Variants in HDAC4 observed in about 807,000 individuals in gnomAD.
HDAC4 encodes histone deacetylase 4, also known as histone deacetylase A.
A neutral mutation model predicts 135.1 loss-of-function variants in HDAC4; 16 were observed. That is an observed-to-expected ratio of 0.12 (90% CI 0.08 to 0.18). The LOEUF is 0.18. HDAC4 is among the 10% of genes least tolerant of loss of function. The pLI, the probability that HDAC4 is intolerant of heterozygous loss-of-function variation, is 1.00. For missense variants in HDAC4, 1,143 were observed against 1,511.8 expected, an observed-to-expected ratio of 0.76 and a Z score of 4.05; for synonymous variants, 685 against 653.4, an observed-to-expected ratio of 1.05 and a Z score of -0.74.
Position 239,307,991 on chromosome 2 carries a change from C to T in HDAC4, c.22+44687G>A, listed in dbSNP as rs996199959. ...GTGTCCCCATCCCCCCCAAAGTGAG[C>T]GGCCACACAGCAATGAGTGGCCACA... is the stretch of plus-strand genomic sequence containing the variant. On this transcript the variant is annotated intron_variant, in intron 2 of 26. Transcript: ENST00000543185. This position sits in a 1 kb window ranked among gnomAD's most constrained non-coding sequence, Gnocchi z 4.8. Among the ~76,000 whole-genome samples the T allele has an allele frequency of 2.6e-5, 4 of 152,162 alleles. 1 individual carries two copies. The highest frequency in any genetic ancestry group is 1.3e-4 in the Admixed American group (2 of 15,282).
chr2:239,249,715 C>T (rs1316762131), intron 2 of HDAC4, among the ~76,000 whole-genome samples: 3 of 151,960 alleles, frequency 2.0e-5, no homozygotes, highest in African/African-American at 7.3e-5. Flanking sequence ...AAATACCACG[C>T]CATCCTGGGA....
At chr2:239,083,906 G>A (rs1171354817) in intron 20 of HDAC4, among the ~76,000 whole-genome samples, 2 of 152,262 alleles carry the variant, frequency 1.3e-5, no homozygotes, top group Non-Finnish European at 2.9e-5. Flanking sequence ...GGGTGGCCCT[G>A]GCCGCTGCCG....
chr2:239,103,881 GGAA>G (rs1376644045), intron 15 of HDAC4, among the ~76,000 whole-genome samples: 2 of 152,262 alleles, frequency 1.3e-5, no homozygotes, highest in Non-Finnish European at 2.9e-5. Context: ...GCAGGGTGGA[GGAA>G]GAAGGGGCGG....
intron 12 of HDAC4, among the ~76,000 whole-genome samples, chr2:239,116,446 A>G (rs1184255066): frequency 1.3e-5 from 2 of 152,168 alleles, no homozygotes; most frequent in African/African-American, 2.4e-5. Context: ...AGCACTGCCC[A>G]TGCATTGCTC....
At chr2:239,069,298 T>G (rs1460027440) in intron 22 of HDAC4, among the ~76,000 whole-genome samples, 22 of 19,032 alleles carry the variant, frequency 1.2e-3, no homozygotes, top group African/African-American at 4.1e-3. Context: ...TGCACTTGCT[T>G]GGTGAGAGGG....
At chr2:239,298,127 A>T in intron 2 of HDAC4, 1 of 1,090,646 alleles carries the variant, frequency 9.2e-7, no homozygotes, top group Non-Finnish European at 1.2e-6. Context: ...ATGGACTAAA[A>T]CATAAACAAG....
chr2:239,103,869 A>G (rs1430942113), intron 15 of HDAC4, among the ~76,000 whole-genome samples: 1 of 152,240 alleles, frequency 6.6e-6, no homozygotes, highest in Non-Finnish European at 1.5e-5. Context: ...GGTCCTGTCC[A>G]TGCAGGGTGG....
chr2:239,225,304 G>A (rs894350819), intron 3 of HDAC4, among the ~76,000 whole-genome samples: 11 of 152,216 alleles, frequency 7.2e-5, no homozygotes, highest in South Asian at 6.2e-4. Context: ...GCCTCCATCC[G>A]AAAGGAAGAA....
chr2:239,123,766 G>C (rs1418728402), intron 12 of HDAC4, among the ~76,000 whole-genome samples: 1 of 152,212 alleles, frequency 6.6e-6, no homozygotes, highest in African/African-American at 2.4e-5. Context: ...CAGGAGGTCA[G>C]GGCTGCGGGA....
intron 1 of HDAC4, among the ~76,000 whole-genome samples, chr2:239,385,836 G>C (rs1435130466): frequency 6.6e-6 from 1 of 152,182 alleles, no homozygotes; most frequent in East Asian, 1.9e-4. Context: ...TGCCGGTACA[G>C]AATCAAAAAG....
chr2:239,221,180 G>A (rs779056712), intron 3 of HDAC4, among the ~76,000 whole-genome samples: 4 of 152,154 alleles, frequency 2.6e-5, no homozygotes, highest in Admixed American at 6.5e-5. Flanking sequence ...GTGTTCTTGC[G>A]AATACCATTT....
chr2:239,358,053 C>T (rs1241407945), intron 1 of HDAC4, among the ~76,000 whole-genome samples: 1 of 152,170 alleles, frequency 6.6e-6, no homozygotes, highest in Non-Finnish European at 1.5e-5. Flanking sequence ...TACCGAAGCT[C>T]ACTGGAGAGA....
rs188535499 is a variant in HDAC4 at position 239,141,791 on chromosome 2, C to A, written c.866-1995G>T. On this transcript the variant is annotated intron_variant, in intron 8 of 26. Transcript: ENST00000543185. The surrounding 1 kb of genome is among the most constrained non-coding windows in gnomAD (Gnocchi z 4.9). ...GGGGAGTCCGGACAACTTTTTGGGG[C>A]GGTAAAAATTATATGTGTAACTTTC... 6.4e-4 allele frequency among the ~76,000 whole-genome samples: 97 copies of A among 152,232 alleles called. No homozygotes were observed. Among genetic ancestry groups the A allele is most frequent in the African/African-American group, 2.1e-3 (89 of 41,520 alleles).
intron 3 of HDAC4, among the ~76,000 whole-genome samples, chr2:239,216,815 C>G (rs975828696): frequency 6.6e-6 from 1 of 152,082 alleles, no homozygotes; most frequent in Non-Finnish European, 1.5e-5. Flanking sequence ...AGGGGGTGCA[C>G]AGGGGTTCCA....
intron 1 of HDAC4, among the ~76,000 whole-genome samples, chr2:239,384,939 GC>G (rs1232508515): frequency 6.6e-6 from 1 of 152,178 alleles, no homozygotes; most frequent in African/African-American, 2.4e-5. Flanking sequence ...ACCCCACCGG[GC>G]CCAGAAACTG....
chr2:239,232,499 C>A lies in HDAC4; in HGVS notation c.94+4094G>T. Among the ~76,000 whole-genome samples, 2 of 148,952 alleles carry A rather than the reference C, an allele frequency of 1.3e-5. 1 individual carries two copies. The highest frequency in any genetic ancestry group is 3.0e-5 in the Non-Finnish European group (2 of 67,138). On this transcript the variant is annotated intron_variant, in intron 3 of 26. Transcript: ENST00000543185. The stretch of plus-strand genomic sequence containing the variant: ...CCCCCACCCCACCCTGCCACCATGT[C>A]TCCGCCTGGGATCTGCCTCGGTGTC...
intron 2 of HDAC4, among the ~76,000 whole-genome samples, chr2:239,314,415 G>A (rs376010396): frequency 1.3e-5 from 2 of 152,158 alleles, no homozygotes; most frequent in Admixed American, 1.3e-4. Context: ...TACAAACCTG[G>A]TGGCTTCCTC....
intron 2 of HDAC4, among the ~76,000 whole-genome samples, chr2:239,327,352 C>A (rs1268091955): frequency 3.9e-5 from 6 of 152,186 alleles, no homozygotes; most frequent in African/African-American, 1.4e-4. Context: ...TTGGGAGGCA[C>A]CCCCATGCAG....
At chr2:239,211,284 T>C (rs1447108709) in intron 3 of HDAC4, among the ~76,000 whole-genome samples, 1 of 152,144 alleles carries the variant, frequency 6.6e-6, no homozygotes, top group Non-Finnish European at 1.5e-5. Flanking sequence ...GCCCTCACAA[T>C]ACAAAATCAC....
Sources: allele counts gnomAD v4.1 joint callset (sites outside exome capture counted in the v4.1 genomes callset), GRCh38; gene constraint gnomAD v4.1.1; non-coding constraint Gnocchi (gnomAD v3.1); transcripts MANE v1.5; gene names NCBI Gene and HGNC (gene_info 2026-07-23, HGNC 2026-07-21).